EFCAB6: variants seen among roughly 807,000 people sequenced by gnomAD.
The protein encoded by EFCAB6 is EF-hand calcium-binding domain-containing protein 6.
A neutral mutation model predicts 169.8 loss-of-function variants in EFCAB6; 156 were observed. That is an observed-to-expected ratio of 0.92 (90% CI 0.81 to 1.05). The LOEUF (loss-of-function observed/expected upper bound fraction) is 1.05, where lower values mean the gene tolerates loss of function less well. EFCAB6 is among the 50% of genes least tolerant of loss of function. The pLI is 0.00. For missense variants in EFCAB6, 1,800 were observed against 1,829.1 expected, an observed-to-expected ratio of 0.98 and a Z score of 0.29; for synonymous variants, 698 against 676.4, an observed-to-expected ratio of 1.03 and a Z score of -0.50.
chr22:43,558,677 A>G (rs927357447), intron 26 of EFCAB6, among the ~76,000 whole-genome samples: 1 of 152,206 alleles, frequency 6.6e-6, no homozygotes, highest in Non-Finnish European at 1.5e-5. Context: ...ACCCTCTACT[A>G]GCAAAAAGAT....
intron 27 of EFCAB6, among the ~76,000 whole-genome samples, chr22:43,551,188 C>A (rs567507153): frequency 7.7e-4 from 117 of 152,288 alleles, no homozygotes; most frequent in African/African-American, 2.7e-3. Flanking sequence ...GTACAAATGA[C>A]CCCCACGTCA....
chr22:43,666,512 A>G (rs2057255497), intron 17 of EFCAB6, among the ~76,000 whole-genome samples: 1 of 152,198 alleles, frequency 6.6e-6, no homozygotes, highest in African/African-American at 2.4e-5. Context: ...TTCCTTAAAA[A>G]TAGCTGAGGA....
At chr22:43,802,569 C>T in intron 2 of EFCAB6, 1 of 387,478 alleles carries the variant, frequency 2.6e-6, no homozygotes, top group Non-Finnish European at 4.9e-6. Context: ...AAGGACAAAT[C>T]ACAGAGATCT....
Position 43,626,686 on chromosome 22 carries a change from A to G in EFCAB6, c.2233-7T>C. ...AGAAGGCAGAGTAGGGGTCCTAAAAACAAAACACACACGTCAAAGCCCTTC... is the reference window on the plus strand; with the variant it reads ...AGAAGGCAGAGTAGGGGTCCTAAAAGCAAAACACACACGTCAAAGCCCTTC... On this transcript the variant is annotated splice_region_variant and splice_polypyrimidine_tract_variant and intron_variant, in intron 19 of 31. Coordinates refer to ENST00000262726, the MANE Select transcript of EFCAB6 (RefSeq NM_022785.4). 1 of 1,613,898 alleles carries G rather than the reference A, an allele frequency of 6.2e-7. No individual in the cohort carries two copies. The highest frequency in any genetic ancestry group is 8.5e-7 in the Non-Finnish European group (1 of 1,179,942).
At chr22:43,631,939 C>A (rs1384972556) in intron 19 of EFCAB6, among the ~76,000 whole-genome samples, 166 bp downstream of exon 19, 3 of 150,616 alleles carry the variant, frequency 2.0e-5, no homozygotes, top group Non-Finnish European at 4.4e-5. Context: ...GCCCCATCCT[C>A]CCCACATGCC....
intron 31 of EFCAB6, among the ~76,000 whole-genome samples, chr22:43,530,116 CTG>C (rs1186628481): frequency 6.6e-6 from 1 of 152,214 alleles, no homozygotes; most frequent in Non-Finnish European, 1.5e-5. Context: ...ATCTGTGACT[CTG>C]TGGAGGGCAA....
intron 24 of EFCAB6, among the ~76,000 whole-genome samples, chr22:43,588,694 G>C (rs543529596): frequency 2.0e-5 from 3 of 152,064 alleles, no homozygotes; most frequent in Non-Finnish European, 4.4e-5. Context: ...AACATGAAAA[G>C]GGCAATCTTC....
chr22:43,670,572 T>A (rs2057446600), intron 15 of EFCAB6, among the ~76,000 whole-genome samples: 1 of 152,252 alleles, frequency 6.6e-6, no homozygotes. Context: ...AGGATCTGCA[T>A]ATAGCTGGGG....
chr22:43,739,565 A>C (rs188758756), intron 6 of EFCAB6, among the ~76,000 whole-genome samples: 1 of 151,988 alleles, frequency 6.6e-6, no homozygotes, highest in Non-Finnish European at 1.5e-5. Context: ...CCCAGCTTAG[A>C]ATATCCAGCT....
intron 18 of EFCAB6, among the ~76,000 whole-genome samples, chr22:43,633,783 CTT>C (rs570969717): frequency 2.1e-4 from 32 of 152,290 alleles, no homozygotes; most frequent in African/African-American, 6.0e-4. Flanking sequence ...CTCTGCCCCT[CTT>C]GAGCCTGGCT....
At chr22:43,631,141 G>A (rs1218748137) in intron 19 of EFCAB6, among the ~76,000 whole-genome samples, 3 of 151,548 alleles carry the variant, frequency 2.0e-5, no homozygotes, top group Admixed American at 2.0e-4. Context: ...TCTCTCGCCC[G>A]TCCCTTCCCT....
intron 31 of EFCAB6, among the ~76,000 whole-genome samples, chr22:43,529,651 C>T: frequency 6.6e-6 from 1 of 152,132 alleles, no homozygotes; most frequent in East Asian, 1.9e-4. Context: ...CCACCTGCTG[C>T]CTGGAATATG....
chr22:43,659,751 T>A (rs2148137812), intron 17 of EFCAB6, among the ~76,000 whole-genome samples: 2 of 152,204 alleles, frequency 1.3e-5, no homozygotes, highest in Middle Eastern at 6.8e-3. Flanking sequence ...AAAGAATATG[T>A]GTGGGGAATT....
intron 3 of EFCAB6, among the ~76,000 whole-genome samples, chr22:43,778,698 A>G (rs1352573352): frequency 6.6e-6 from 1 of 152,232 alleles, no homozygotes; most frequent in Non-Finnish European, 1.5e-5. Flanking sequence ...AGACCTGTTG[A>G]AGGCAAGCAT....
chr22:43,591,225 C>T lies in EFCAB6; in HGVS notation c.2877-996G>A, dbSNP rs570908010. Among the ~76,000 whole-genome samples, 14 of 149,946 alleles carry T rather than the reference C, an allele frequency of 9.3e-5. No homozygotes were observed. In the East Asian group the frequency reaches 1.4e-3, roughly 15 times the overall value. ...ACAATCCCAACACTTCGGGAGGCTG[C>T]GGTGGGTAGATCACGAGGTCAGGAG... On this transcript the variant is annotated intron_variant, in intron 23 of 31. Coordinates refer to ENST00000262726, the MANE Select transcript of EFCAB6 (RefSeq NM_022785.4).
chr22:43,570,503 T>C (rs2049784623), intron 26 of EFCAB6, among the ~76,000 whole-genome samples: 2 of 152,188 alleles, frequency 1.3e-5, no homozygotes, highest in South Asian at 2.1e-4. Flanking sequence ...GTAAAATGTT[T>C]TTCTAGAAGT....
In EFCAB6 at chr22:43,707,113, C is replaced by T. The variant is rs76300624; in HGVS notation, c.1031+4362G>A. Among the ~76,000 whole-genome samples, 209 of 152,098 alleles carry T rather than the reference C, an allele frequency of 1.4e-3. 1 individual carries two copies. The highest frequency in any genetic ancestry group is 4.6e-3 in the African/African-American group (192 of 41,468). ...TAGCAACCCTGAAATCTAGTGTAGG[C>T]TCAAAGGGAATGGGGTTTTAATGCA... On this transcript the variant is annotated intron_variant, in intron 10 of 31. Transcript: ENST00000262726.
rs764321511 is a variant in EFCAB6, at chr22:43,608,472, T to C, written c.2681+10A>G. The C allele has an allele frequency of 3.7e-6, 6 of 1,613,256 alleles. No homozygotes were observed. The highest frequency in any genetic ancestry group is 4.2e-6 in the Non-Finnish European group (5 of 1,179,400). On this transcript the variant is annotated intron_variant, in intron 22 of 31. Transcript: ENST00000262726. ...AGAATGGAAACCAACCAGTCTCACG[T>C]GCCACTTACCTTGCCCAAAGCTTTT...
rs73430102 is a variant in EFCAB6, at chr22:43,581,864, C to T, written c.3033-1205G>A. 5.3e-3 allele frequency among the ~76,000 whole-genome samples: 810 copies of T among 152,250 alleles called. 9 individuals are homozygous for T. Among genetic ancestry groups the T allele is most frequent in the African/African-American group, 0.019 (781 of 41,548 alleles). The stretch of plus-strand genomic sequence containing the variant: ...AGGACAATCAACACTATTTCATCAG[C>T]GGGATAAATTGCCAACGTGGTATTA... On this transcript the variant is annotated intron_variant, in intron 24 of 31. Coordinates refer to ENST00000262726, the MANE Select transcript of EFCAB6 (RefSeq NM_022785.4).
Sources: gnomAD v4.1 joint callset for allele counts (sites outside exome capture counted in the v4.1 genomes callset) on GRCh38, gnomAD v4.1.1 for gene constraint, MANE v1.5 for transcripts, NCBI Gene and HGNC (gene_info 2026-07-23, HGNC 2026-07-21) for gene names.